Variants in LUC7L3 observed in about 807,000 individuals in gnomAD.
The protein encoded by LUC7L3 is luc7-like protein 3.
Under a neutral mutation model 66.8 loss-of-function variants are expected in LUC7L3, and 6 were observed. The observed-to-expected ratio is 0.09, with a 90% CI of 0.05 to 0.18. The LOEUF (loss-of-function observed/expected upper bound fraction) is 0.18, where lower values mean the gene tolerates loss of function less well. Ranked by LOEUF, LUC7L3 falls within the 10% of genes least tolerant of loss-of-function variation. The pLI, the probability that LUC7L3 is intolerant of heterozygous loss-of-function variation, is 1.00. For synonymous variants in LUC7L3, 160 were observed against 174.7 expected (o/e 0.92, Z 0.66); for missense variants, 341 against 531.1 (o/e 0.64, Z 3.52).
chr17:50,732,234 C>T (rs747709971), intron 1 of LUC7L3, among the ~76,000 whole-genome samples: 15 of 152,198 alleles, frequency 9.9e-5, no homozygotes, highest in Non-Finnish European at 2.1e-4. Flanking sequence ...ATCTTAGGGG[C>T]ATTCCTGGAA....
chr17:50,726,791 G>A (rs1597893112), intron 1 of LUC7L3, among the ~76,000 whole-genome samples: 1 of 151,684 alleles, frequency 6.6e-6, no homozygotes, highest in African/African-American at 2.4e-5. Context: ...TTACTTTATT[G>A]TAAGAATACA....
At chr17:50,740,453 A>G in intron 3 of LUC7L3, 108 bp downstream of exon 3, 1 of 1,011,262 alleles carries the variant, frequency 9.9e-7, no homozygotes, top group Non-Finnish European at 1.5e-6. Flanking sequence ...GTCTGAGAGA[A>G]GTCCAGTCAG....
At chr17:50,747,965 T>C (rs1177029587) in intron 9 of LUC7L3, among the ~76,000 whole-genome samples, 4 of 152,222 alleles carry the variant, frequency 2.6e-5, no homozygotes, top group Non-Finnish European at 4.4e-5. Context: ...TTTGCAAGAC[T>C]TTCTGTGTAA....
At position 50,756,201 on chromosome 17, in the gene LUC7L3, AAAG is replaced by A. The variant is rs201586140; in HGVS notation, c.*5546_*5548del. 242 of 147,124 alleles carry A rather than the reference AAAG, an allele frequency of 1.6e-3. 5 individuals carry two copies. In the East Asian group the frequency reaches 0.017, roughly 10 times the overall value. The allele number at this position is 147,124 out of a possible 1,614,324, so 9.1% of individuals were successfully genotyped here. A position where few individuals can be genotyped will look rare whatever the true frequency, so the allele number is the denominator to read the frequency against. On this transcript the variant is annotated 3_prime_UTR_variant, in exon 10 of 10. Coordinates refer to ENST00000505658, the MANE Select transcript of LUC7L3 (RefSeq NM_016424.5). ...TATGATATTTCTTAATAAAATTTAAAAAGAAGAATGGGAAAAAAGTCTTGGTGT... is the reference window on the plus strand; with the variant it reads ...TATGATATTTCTTAATAAAATTTAAAAAGAATGGGAAAAAAGTCTTGGTGT...
At chr17:50,728,892 TC>T (rs1461039089) in intron 1 of LUC7L3, among the ~76,000 whole-genome samples, 2 of 72,294 alleles carry the variant, frequency 2.8e-5, no homozygotes, top group South Asian at 6.0e-4. Flanking sequence ...TTCCAGGTAT[TC>T]CTGGATTTTA....
chr17:50,726,503 C>G (rs1043871532), intron 1 of LUC7L3, among the ~76,000 whole-genome samples: 1 of 152,034 alleles, frequency 6.6e-6, no homozygotes, highest in Non-Finnish European at 1.5e-5. Flanking sequence ...TGAATAACGC[C>G]CTGAGACCCA....
intron 1 of LUC7L3, among the ~76,000 whole-genome samples, chr17:50,734,990 G>A (rs1252493594): frequency 6.6e-6 from 1 of 151,970 alleles, no homozygotes; most frequent in Non-Finnish European, 1.5e-5. Flanking sequence ...TAGCACTTTC[G>A]GAGGCCGAGG....
At chr17:50,739,280 G>A (rs532301672) in intron 2 of LUC7L3, among the ~76,000 whole-genome samples, 1 of 152,290 alleles carries the variant, frequency 6.6e-6, no homozygotes, top group East Asian at 1.9e-4. Context: ...TGAAACTGAT[G>A]ATGTGATATA....
rs369458704 is a variant in LUC7L3, at chr17:50,743,845, CTGTT to C, written c.531+36_531+39del. On this transcript the variant is annotated intron_variant, in intron 6 of 9. Transcript: ENST00000505658. ...CCTTATTTCACATTATCTCATCTGT[CTGTT>C]AACAGTTAGTAGGAACTCATTTTTA... is the stretch of plus-strand genomic sequence containing the variant. 2,255 of 1,423,310 alleles carry C rather than the reference CTGTT, an allele frequency of 1.6e-3. 7 individuals carry two copies. Among genetic ancestry groups the C allele is most frequent in the Non-Finnish European group, 2.0e-3 (2,064 of 1,016,472 alleles). 88.2% of individuals were successfully genotyped at this position (1,423,310 alleles called of 1,614,324 possible).
At chr17:50,737,867 G>A (rs941434088) in intron 2 of LUC7L3, among the ~76,000 whole-genome samples, 1 of 152,058 alleles carries the variant, frequency 6.6e-6, no homozygotes, top group African/African-American at 2.4e-5. Flanking sequence ...AAAAATAATT[G>A]ACTATTTCCT....
chr17:50,743,172 C>T (rs1329130983), intron 5 of LUC7L3, among the ~76,000 whole-genome samples: 1 of 150,100 alleles, frequency 6.7e-6, no homozygotes. Flanking sequence ...CAAAACCAGC[C>T]TGGGCAACAT....
chr17:50,747,963 A>G (rs923228003), intron 9 of LUC7L3, among the ~76,000 whole-genome samples: 1 of 152,232 alleles, frequency 6.6e-6, no homozygotes, highest in Admixed American at 6.5e-5. Context: ...TTTTTGCAAG[A>G]CTTTCTGTGT....
chr17:50,735,520 A>G (rs28696142), intron 1 of LUC7L3, among the ~76,000 whole-genome samples: 93,970 of 150,882 alleles, frequency 0.62, 31,062 homozygotes, highest in African/African-American at 0.86. Flanking sequence ...TCTTTTTTTC[A>G]AGACAGGGTG....
intron 1 of LUC7L3, among the ~76,000 whole-genome samples, chr17:50,733,008 C>G (rs921648151): frequency 6.6e-6 from 1 of 152,090 alleles, no homozygotes; most frequent in Admixed American, 6.5e-5. Flanking sequence ...TGTGTTTATT[C>G]GTTTTTTTGT....
At chr17:50,736,634 G>GC in intron 1 of LUC7L3, 1 of 269,394 alleles carries the variant, frequency 3.7e-6, no homozygotes, top group South Asian at 4.3e-5. Flanking sequence ...GATAAGAATA[G>GC]CGTAAGAGTT....
chr17:50,731,705 G>T (rs1254884435), intron 1 of LUC7L3, among the ~76,000 whole-genome samples: 1 of 152,124 alleles, frequency 6.6e-6, no homozygotes, highest in Non-Finnish European at 1.5e-5. Flanking sequence ...ACTGGATTGG[G>T]GAAATGGAAT....
Position 50,755,225 on chromosome 17 carries a change from C to G in LUC7L3, c.*4564C>G, listed in dbSNP as rs906111849. 1 of 152,070 alleles carries G rather than the reference C, an allele frequency of 6.6e-6. No homozygotes were observed. Among genetic ancestry groups the G allele is most frequent in the African/African-American group, 2.4e-5 (1 of 41,414 alleles). The allele number at this position is 152,070 out of a possible 1,614,324, so 9.4% of individuals were successfully genotyped here. A position where few individuals can be genotyped will look rare whatever the true frequency, so the allele number is the denominator to read the frequency against. Reference sequence around the variant, plus strand: ...GTTCAGTGATCTATGTCTCCTACTACTCCTATTTCTCTGTTTTTCCTCTGC... The same window carrying G: ...GTTCAGTGATCTATGTCTCCTACTAGTCCTATTTCTCTGTTTTTCCTCTGC... On this transcript the variant is annotated 3_prime_UTR_variant, in exon 10 of 10. Coordinates refer to ENST00000505658, the MANE Select transcript of LUC7L3 (RefSeq NM_016424.5).
At position 50,754,217 on chromosome 17, in the gene LUC7L3, A is replaced by G. The variant is rs1379732980; in HGVS notation, c.*3556A>G. On this transcript the variant is annotated 3_prime_UTR_variant, in exon 10 of 10. Transcript: ENST00000505658. ...AATCAGATTGCTTGGTAAGTTTGGA[A>G]TCTGCAATCAGTTGGTCTTAAAAAA... is the stretch of plus-strand genomic sequence containing the variant. 4 of 149,888 alleles carry G rather than the reference A, an allele frequency of 2.7e-5. No homozygotes were observed. Among genetic ancestry groups the G allele is most frequent in the Admixed American group, 6.7e-5 (1 of 14,958 alleles). The allele number at this position is 149,888 out of a possible 1,614,324, so 9.3% of individuals were successfully genotyped here. A position where few individuals can be genotyped will look rare whatever the true frequency, so the allele number is the denominator to read the frequency against.
At position 50,730,513 on chromosome 17, in the gene LUC7L3, C is replaced by CAAAA. The variant is rs3063109; in HGVS notation, c.100-6425_100-6422dup. On this transcript the variant is annotated intron_variant, in intron 1 of 9. Coordinates refer to ENST00000505658, the MANE Select transcript of LUC7L3 (RefSeq NM_016424.5). ...CTGGGCGACAGTAAGACTCTGTCTC[C>CAAAA]AAAAAAAAAAAAAAAAAAAAAAAAA... Among the ~76,000 whole-genome samples the CAAAA allele has an allele frequency of 3.8e-3, 223 of 59,090 alleles. 8 individuals carry two copies. Among genetic ancestry groups the CAAAA allele is most frequent in the African/African-American group, 0.012 (164 of 13,254 alleles). The allele number at this position is 59,090 out of a possible 152,430, so 38.8% of individuals were successfully genotyped here. A position where few individuals can be genotyped will look rare whatever the true frequency, so the allele number is the denominator to read the frequency against.
Sources: allele counts gnomAD v4.1 joint callset (sites outside exome capture counted in the v4.1 genomes callset), GRCh38; gene constraint gnomAD v4.1.1; transcripts MANE v1.5; gene names NCBI Gene and HGNC (gene_info 2026-07-23, HGNC 2026-07-21).